REDIC1: variants seen among roughly 807,000 people sequenced by gnomAD.
REDIC1 encodes regulator of DNA class I crossover intermediates 1.
chr12:39,819,019 C>T, the REDIC1 span, among the ~76,000 whole-genome samples: 1 of 152,086 alleles, frequency 6.6e-6, no homozygotes, highest in African/African-American at 2.4e-5. Context: ...TTTCCACTGT[C>T]AATCATAGTT....
At chr12:39,682,981 CCA>C in the REDIC1 span, 2 of 1,613,232 alleles carry the variant, frequency 1.2e-6, no homozygotes, top group South Asian at 2.2e-5. Context: ...TTTTACAGTT[CCA>C]GAGTTGACTT....
At chr12:39,900,073 G>C in the REDIC1 span, among the ~76,000 whole-genome samples, 2 of 152,140 alleles carry the variant, frequency 1.3e-5, no homozygotes, top group African/African-American at 4.8e-5. Context: ...CATATAAACA[G>C]AACCAAAGAC....
At chr12:39,657,022 G>A in the REDIC1 span, among the ~76,000 whole-genome samples, 1 of 152,266 alleles carries the variant, frequency 6.6e-6, no homozygotes, top group East Asian at 1.9e-4. Context: ...ATTTAGTGAA[G>A]CGTAAGTGTA....
the REDIC1 span, chr12:39,626,221 C>CGGGCCCTGACGTTGTCAGG: frequency 3.6e-6 from 4 of 1,113,604 alleles, no homozygotes; most frequent in Non-Finnish European, 5.3e-6. Flanking sequence ...GGAGCTTACT[C>CGGGCCCTGACGTTGTCAGG]GGGCCCTGAC....
At chr12:39,751,345 A>G in the REDIC1 span, among the ~76,000 whole-genome samples, 2 of 152,210 alleles carry the variant, frequency 1.3e-5, no homozygotes, top group Non-Finnish European at 2.9e-5. Context: ...CAAAACCACA[A>G]TGAGATACCA....
the REDIC1 span, among the ~76,000 whole-genome samples, chr12:39,854,492 C>A: frequency 6.6e-6 from 1 of 152,134 alleles, no homozygotes; most frequent in South Asian, 2.1e-4. Flanking sequence ...TTCCCTCATA[C>A]TTTGCCTTTA....
At chr12:39,849,801 A>T in the REDIC1 span, among the ~76,000 whole-genome samples, 4,745 of 152,118 alleles carry the variant, frequency 0.031, 238 homozygotes, top group African/African-American at 0.11. Context: ...TAATATTTCA[A>T]GGTCATAAAA....
the REDIC1 span, among the ~76,000 whole-genome samples, chr12:39,832,097 CCA>C: frequency 6.6e-6 from 1 of 152,054 alleles, no homozygotes; most frequent in African/African-American, 2.4e-5. Context: ...AAAAGAGAGG[CCA>C]TTCAAATGTA....
the REDIC1 span, among the ~76,000 whole-genome samples, chr12:39,686,800 T>A: frequency 6.6e-6 from 1 of 152,204 alleles, no homozygotes; most frequent in Non-Finnish European, 1.5e-5. Context: ...TCCAGTTTTA[T>A]ATCATTTCTT....
chr12:39,676,869 GA>G, the REDIC1 span, among the ~76,000 whole-genome samples: 958 of 152,106 alleles, frequency 6.3e-3, 6 homozygotes, highest in African/African-American at 0.022. Flanking sequence ...TTCATAATGT[GA>G]GATAAAGTAT....
At chr12:39,777,106 G>C in the REDIC1 span, among the ~76,000 whole-genome samples, 1 of 152,078 alleles carries the variant, frequency 6.6e-6, no homozygotes, top group South Asian at 2.1e-4. Flanking sequence ...CTGCGTCCTT[G>C]TCACTCAAGA....
the REDIC1 span, among the ~76,000 whole-genome samples, chr12:39,789,274 G>A: frequency 1.3e-5 from 2 of 151,882 alleles, no homozygotes; most frequent in Non-Finnish European, 2.9e-5. Context: ...ATATCACTTG[G>A]TTGTGCCTGT....
chr12:39,850,199 G>A, the REDIC1 span, among the ~76,000 whole-genome samples: 110,087 of 152,080 alleles, frequency 0.72, 40,574 homozygotes, highest in African/African-American at 0.86. Context: ...TACTGGAACC[G>A]AAAAGGAGTT....
At chr12:39,670,469 G>A in the REDIC1 span, among the ~76,000 whole-genome samples, 4 of 152,212 alleles carry the variant, frequency 2.6e-5, no homozygotes, top group East Asian at 7.7e-4. Context: ...GGGATTAGAG[G>A]CATGAACCAC....
chr12:39,703,413 C>T, the REDIC1 span, among the ~76,000 whole-genome samples: 3 of 149,272 alleles, frequency 2.0e-5, no homozygotes, highest in African/African-American at 7.4e-5. Context: ...AACTACAAAC[C>T]ACTGCTCAAG....
At chr12:39,862,699 A>T in the REDIC1 span, among the ~76,000 whole-genome samples, 1 of 152,198 alleles carries the variant, frequency 6.6e-6, no homozygotes, top group Non-Finnish European at 1.5e-5. Flanking sequence ...AAATGTATAT[A>T]GATGGTTTTT....
At chr12:39,760,260 G>A in the REDIC1 span, 35 of 1,601,514 alleles carry the variant, frequency 2.2e-5, no homozygotes, top group African/African-American at 2.0e-4. Context: ...CTCCTGCAAC[G>A]GAATATAATA....
chr12:39,851,196 A>C, the REDIC1 span, among the ~76,000 whole-genome samples: 1 of 152,186 alleles, frequency 6.6e-6, no homozygotes, highest in East Asian at 1.9e-4. Context: ...CACCGTGTCC[A>C]GCCAAAGTTA....
At chr12:39,700,126 C>G in the REDIC1 span, among the ~76,000 whole-genome samples, 1 of 151,986 alleles carries the variant, frequency 6.6e-6, no homozygotes, top group Non-Finnish European at 1.5e-5. Flanking sequence ...AGGCTTCAGA[C>G]AATCAAATTA....
Sources: allele counts gnomAD v4.1 joint callset (sites outside exome capture counted in the v4.1 genomes callset), GRCh38; gene constraint gnomAD v4.1.1; transcripts MANE v1.5; gene names NCBI Gene and HGNC (gene_info 2026-07-23, HGNC 2026-07-21).